The following RORA variants were observed in gnomAD, a reference collection of about 807,000 sequenced individuals.
RORA encodes nuclear receptor ROR-alpha.
In RORA, 7 loss-of-function variants were observed where a neutral mutation model predicts 69.5. The observed-to-expected ratio is 0.10, with a 90% CI of 0.06 to 0.19. The LOEUF (loss-of-function observed/expected upper bound fraction) is 0.19, where lower values mean the gene tolerates loss of function less well. Among genes scored for constraint, RORA ranks in the 10% least tolerant of loss-of-function variants. The pLI, the probability that RORA is intolerant of heterozygous loss-of-function variation, is 1.00. For synonymous variants in RORA, 261 were observed against 240.8 expected, an observed-to-expected ratio of 1.08 and a Z score of -0.78; for missense variants, 457 against 663.0, an observed-to-expected ratio of 0.69 and a Z score of 3.41.
At chr15:60,942,683 A>G (rs4775330) in intron 1 of RORA, among the ~76,000 whole-genome samples, 98,456 of 152,102 alleles carry the variant, frequency 0.65, 32,457 homozygotes, top group South Asian at 0.78. Flanking sequence ...ATATACATAC[A>G]AACATGTTTT....
chr15:60,543,848 C>T (rs2066984185), intron 2 of RORA, among the ~76,000 whole-genome samples: 1 of 152,096 alleles, frequency 6.6e-6, no homozygotes, highest in Admixed American at 6.5e-5. Flanking sequence ...TCACTGTATT[C>T]CTTTTGTTGT....
rs570021127 is a variant in RORA at position 60,913,452 on chromosome 15, G to A, written c.167-234766C>T. ...CTTGGTATTCCATTCTGGTTGCCAA[G>A]TGCCCTTATTGTTTTTGCATTTCTA... On this transcript the variant is annotated intron_variant, in intron 1 of 10. Transcript: ENST00000335670. Among the ~76,000 whole-genome samples the A allele has an allele frequency of 3.5e-4, 54 of 152,308 alleles. No individual in the cohort carries two copies. The South Asian group carries it at 0.01, about 29-fold the overall frequency.
chr15:61,126,168 A>T (rs539920561), intron 1 of RORA, among the ~76,000 whole-genome samples: 17 of 152,174 alleles, frequency 1.1e-4, no homozygotes, highest in Non-Finnish European at 1.5e-4. Flanking sequence ...GAGTCTCCAC[A>T]CCCTAAAATC....
intron 2 of RORA, among the ~76,000 whole-genome samples, chr15:60,575,346 T>A (rs7169364): frequency 0.18 from 27,875 of 152,098 alleles, 2,893 homozygotes; most frequent in Non-Finnish European, 0.23. Context: ...TGATACGGAG[T>A]TACAGCTTTG....
At chr15:61,208,014 AC>A (rs2079957316) in intron 1 of RORA, among the ~76,000 whole-genome samples, 1 of 152,236 alleles carries the variant, frequency 6.6e-6, no homozygotes, top group Non-Finnish European at 1.5e-5. Flanking sequence ...AGGGTTTAAA[AC>A]ACAAAGCTCC....
At chr15:61,029,433 G>A (rs1214692873) in intron 1 of RORA, among the ~76,000 whole-genome samples, 1 of 152,174 alleles carries the variant, frequency 6.6e-6, no homozygotes, top group Non-Finnish European at 1.5e-5. Context: ...GGTGGCACTG[G>A]AGGGCTTTAA....
intron 1 of RORA, among the ~76,000 whole-genome samples, chr15:61,174,340 G>C (rs2079609888): frequency 1.3e-5 from 2 of 152,184 alleles, no homozygotes; most frequent in South Asian, 4.1e-4. Flanking sequence ...TTAAGAGTTA[G>C]GCTGGTTCTT....
At chr15:61,161,205 G>A (rs2079493043) in intron 1 of RORA, among the ~76,000 whole-genome samples, 1 of 152,146 alleles carries the variant, frequency 6.6e-6, no homozygotes, top group African/African-American at 2.4e-5. Flanking sequence ...TCAACTCCAT[G>A]GTCCCCCAAG....
At chr15:61,005,978 TG>T (rs1445698488) in intron 1 of RORA, among the ~76,000 whole-genome samples, 8 of 147,570 alleles carry the variant, frequency 5.4e-5, no homozygotes, top group African/African-American at 1.5e-4. Flanking sequence ...TGTTTTGTTT[TG>T]TTTTTTTTGA....
chr15:60,542,531 C>T (rs1426170510), intron 2 of RORA, among the ~76,000 whole-genome samples: 3 of 5,380 alleles, frequency 5.6e-4, no homozygotes, highest in Admixed American at 2.1e-3. Context: ...CACATGCACA[C>T]CTCACACAGA....
intron 1 of RORA, among the ~76,000 whole-genome samples, chr15:61,227,210 CAA>C (rs35827262): frequency 1.2e-4 from 15 of 124,036 alleles, no homozygotes; most frequent in African/African-American, 3.2e-4. Context: ...CCCCCCATTC[CAA>C]AAAAAAAAAA....
chr15:60,755,720 GT>G (rs2071792801), intron 1 of RORA, among the ~76,000 whole-genome samples: 1 of 152,172 alleles, frequency 6.6e-6, no homozygotes, highest in African/African-American at 2.4e-5. Flanking sequence ...TCAAGAAATG[GT>G]TGTGGGATAC....
chr15:61,117,947 G>A (rs572074097), intron 1 of RORA, among the ~76,000 whole-genome samples: 14 of 152,256 alleles, frequency 9.2e-5, no homozygotes, highest in African/African-American at 2.9e-4. Context: ...AGATACCTGG[G>A]TTCTAATCCC....
At chr15:61,174,670 C>T (rs574687533) in intron 1 of RORA, among the ~76,000 whole-genome samples, 1 of 152,330 alleles carries the variant, frequency 6.6e-6, no homozygotes, top group South Asian at 2.1e-4. Flanking sequence ...GCAAATGACT[C>T]CTGAGCCTGA....
chr15:60,912,708 C>G (rs548674022), intron 1 of RORA, among the ~76,000 whole-genome samples: 4 of 151,946 alleles, frequency 2.6e-5, no homozygotes, highest in African/African-American at 9.7e-5. Context: ...GAGCCAAGAT[C>G]GTGCCACTGC....
chr15:61,225,019 T>C (rs4775376), intron 1 of RORA, among the ~76,000 whole-genome samples: 75,130 of 152,056 alleles, frequency 0.49, 21,367 homozygotes, highest in Non-Finnish European at 0.62. Context: ...GAGTCTCCTA[T>C]AGATGTTTTG....
At chr15:61,081,820 A>G (rs936623070) in intron 1 of RORA, among the ~76,000 whole-genome samples, 6 of 151,794 alleles carry the variant, frequency 4.0e-5, no homozygotes, top group South Asian at 2.1e-4. Context: ...AAAAAAAAAA[A>G]AAAGAAAGAA....
At chr15:60,921,442 T>A (rs1892045642) in intron 1 of RORA, among the ~76,000 whole-genome samples, 1 of 152,182 alleles carries the variant, frequency 6.6e-6, no homozygotes, top group Admixed American at 6.5e-5. Context: ...ACATAGCACA[T>A]GATTCAATTT....
intron 1 of RORA, among the ~76,000 whole-genome samples, chr15:61,075,868 C>G (rs2078441729): frequency 6.6e-6 from 1 of 152,192 alleles, no homozygotes; most frequent in South Asian, 2.1e-4. Context: ...CAAGAACTGT[C>G]CCATATCACA....
Sources: gnomAD v4.1 joint callset for allele counts (sites outside exome capture counted in the v4.1 genomes callset) on GRCh38, gnomAD v4.1.1 for gene constraint, MANE v1.5 for transcripts, NCBI Gene and HGNC (gene_info 2026-07-23, HGNC 2026-07-21) for gene names.